The following MECOM variants were observed in gnomAD, a reference collection of about 807,000 sequenced individuals.
The protein encoded by MECOM is MDS1 and EVI1 complex locus, also known as histone-lysine N-methyltransferase MECOM.
In MECOM, 13 loss-of-function variants were observed where a neutral mutation model predicts 116.3. That is an observed-to-expected ratio of 0.11 (90% CI 0.07 to 0.18). The LOEUF is 0.18. MECOM is among the 10% of genes least tolerant of loss of function. The pLI, the probability that MECOM is intolerant of heterozygous loss-of-function variation, is 1.00. For missense variants in MECOM, 1,299 were observed against 1,509.0 expected (o/e 0.86, Z 2.31); for synonymous variants, 528 against 535.2 (o/e 0.99, Z 0.19).
intron 1 of MECOM, among the ~76,000 whole-genome samples, chr3:169,521,093 G>C (rs185363797): frequency 6.6e-6 from 1 of 152,322 alleles, no homozygotes; most frequent in East Asian, 1.9e-4. Flanking sequence ...ACTCGGAGAA[G>C]ATAGGTGAGG....
intron 2 of MECOM, among the ~76,000 whole-genome samples, chr3:169,344,889 G>A (rs1224331033): frequency 6.6e-6 from 1 of 152,070 alleles, no homozygotes; most frequent in East Asian, 1.9e-4. Flanking sequence ...AAGAGGAAGA[G>A]GTAAGAGACA....
intron 1 of MECOM, among the ~76,000 whole-genome samples, chr3:169,429,038 G>T (rs1372150728): frequency 1.3e-5 from 2 of 152,156 alleles, no homozygotes; most frequent in Non-Finnish European, 2.9e-5. Flanking sequence ...GGAACAATAG[G>T]CAGAATATAA....
chr3:169,366,593 C>A (rs1461092896), intron 2 of MECOM, among the ~76,000 whole-genome samples: 1 of 151,984 alleles, frequency 6.6e-6, no homozygotes, highest in African/African-American at 2.4e-5. Context: ...TGTTGCGAGA[C>A]CAACAAGAAA....
intron 2 of MECOM, among the ~76,000 whole-genome samples, chr3:169,151,822 C>T (rs1741213016): frequency 6.6e-6 from 1 of 152,154 alleles, no homozygotes; most frequent in South Asian, 2.1e-4. Flanking sequence ...CAAGAGACTT[C>T]CCACTGATTC....
chr3:169,564,183 A>G (rs1477030585), intron 1 of MECOM, among the ~76,000 whole-genome samples: 1 of 152,216 alleles, frequency 6.6e-6, no homozygotes, highest in African/African-American at 2.4e-5. Flanking sequence ...TTAAAAAGAA[A>G]AAACTTATTT....
intron 2 of MECOM, among the ~76,000 whole-genome samples, chr3:169,288,546 C>A (rs1577598649): frequency 6.6e-6 from 1 of 152,146 alleles, no homozygotes; most frequent in Non-Finnish European, 1.5e-5. Context: ...TTGTCCTGAA[C>A]CAAAACGAGC....
rs565990352 is a variant in MECOM, at chr3:169,167,255, G to A, written c.376-23423C>T. On this transcript the variant is annotated intron_variant, in intron 2 of 16. Transcript: ENST00000651503. ...TCTGCATCTATTTGTTTCTCATTTA[G>A]AAGTTCCATTAGATGGAAATTCCCA... 2.0e-5 allele frequency among the ~76,000 whole-genome samples: 3 copies of A among 152,194 alleles called. No homozygotes were observed. The East Asian group carries it at 5.8e-4, about 29-fold the overall frequency.
At chr3:169,376,209 C>T (rs1472798815) in intron 2 of MECOM, among the ~76,000 whole-genome samples, 1 of 152,132 alleles carries the variant, frequency 6.6e-6, no homozygotes, top group East Asian at 1.9e-4. Flanking sequence ...ATGATACACC[C>T]ACAGCCAATA....
At chr3:169,641,481 T>A (rs557323274) in intron 1 of MECOM, among the ~76,000 whole-genome samples, 2 of 152,346 alleles carry the variant, frequency 1.3e-5, no homozygotes, top group South Asian at 4.2e-4. Flanking sequence ...AGGGTTTCAC[T>A]ACGTATCTGT....
chr3:169,313,987 G>A (rs1577683072), intron 2 of MECOM, among the ~76,000 whole-genome samples: 1 of 152,290 alleles, frequency 6.6e-6, no homozygotes, highest in East Asian at 1.9e-4. Context: ...GAATCTATAT[G>A]CTACCACATC....
At position 169,084,141 on chromosome 3, in the gene MECOM, A is replaced by C. The variant is rs186794135; in HGVS notation, c.*768T>G. 96 of 232,102 alleles carry C rather than the reference A, an allele frequency of 4.1e-4. No homozygotes were observed. The highest frequency in any genetic ancestry group is 1.5e-3 in the African/African-American group (70 of 45,430). 14.4% of individuals were successfully genotyped at this position (232,102 alleles called of 1,614,324 possible). On this transcript the variant is annotated 3_prime_UTR_variant, in exon 17 of 17. Transcript: ENST00000651503. Reference sequence around the variant, plus strand: ...ATACATGATACACGCAACACACACAAAAAAATAAACATTAAAAACAGTGAC... The same window carrying C: ...ATACATGATACACGCAACACACACACAAAAATAAACATTAAAAACAGTGAC...
chr3:169,471,377 T>C (rs1023957653), intron 1 of MECOM, among the ~76,000 whole-genome samples: 1 of 148,106 alleles, frequency 6.8e-6, no homozygotes, highest in African/African-American at 2.5e-5. Context: ...AAAAAAAAAA[T>C]TCCTGCTTTA....
chr3:169,384,247 T>C (rs186743820), intron 1 of MECOM, among the ~76,000 whole-genome samples: 8 of 152,300 alleles, frequency 5.3e-5, no homozygotes, highest in Admixed American at 5.2e-4. Context: ...TCAATACTTT[T>C]TTTTACCAAA....
chr3:169,617,711 T>C (rs527763716), intron 1 of MECOM, among the ~76,000 whole-genome samples: 3 of 152,308 alleles, frequency 2.0e-5, no homozygotes, highest in South Asian at 2.1e-4. Flanking sequence ...CTACCTCATA[T>C]TGGCCAGAAT....
intron 2 of MECOM, among the ~76,000 whole-genome samples, chr3:169,162,795 G>C (rs1437014655): frequency 6.6e-6 from 1 of 152,120 alleles, no homozygotes; most frequent in African/African-American, 2.4e-5. Context: ...AGTGCTGGGT[G>C]AATCTGTCAG....
At chr3:169,092,873 G>T in intron 14 of MECOM, 85 bp downstream of exon 14, 1 of 1,518,956 alleles carries the variant, frequency 6.6e-7, no homozygotes, top group Non-Finnish European at 9.1e-7. Flanking sequence ...TAATAGTAGT[G>T]CCACAAAAGT....
At chr3:169,651,267 T>A (rs1273971467) in intron 1 of MECOM, among the ~76,000 whole-genome samples, 1 of 152,242 alleles carries the variant, frequency 6.6e-6, no homozygotes, top group Non-Finnish European at 1.5e-5. Context: ...TCTATTGAGA[T>A]GATCATGTGA....
At chr3:169,378,098 C>T (rs904549639) in intron 2 of MECOM, among the ~76,000 whole-genome samples, 1 of 151,346 alleles carries the variant, frequency 6.6e-6, no homozygotes, top group African/African-American at 2.4e-5. Flanking sequence ...CGCATGTTCT[C>T]ATTCATAAGT....
At chr3:169,561,363 AAATC>A (rs1344659508) in intron 1 of MECOM, among the ~76,000 whole-genome samples, 1 of 152,100 alleles carries the variant, frequency 6.6e-6, no homozygotes, top group African/African-American at 2.4e-5. Context: ...ATAGATAAAT[AAATC>A]ATGATATTTT....
Sources: allele counts gnomAD v4.1 joint callset (sites outside exome capture counted in the v4.1 genomes callset), GRCh38; gene constraint gnomAD v4.1.1; transcripts MANE v1.5; gene names NCBI Gene and HGNC (gene_info 2026-07-23, HGNC 2026-07-21).